Variants in ERICH3 observed in about 807,000 individuals in gnomAD.
The protein encoded by ERICH3 is glutamate rich 3, also known as glutamate-rich protein 3.
A neutral mutation model predicts 131.1 loss-of-function variants in ERICH3; 126 were observed. The ratio of observed to expected loss-of-function variants is 0.96; its 90% CI spans 0.83 to 1.11. The LOEUF (loss-of-function observed/expected upper bound fraction) is 1.11, where lower values mean the gene tolerates loss of function less well. Among genes scored for constraint, ERICH3 ranks in the 50% most tolerant of loss-of-function variants. The probability of loss-of-function intolerance (pLI) is 0.00; values close to 1 mark genes in which losing one functional copy is unlikely to be tolerated. For missense variants in ERICH3, 2,050 were observed against 1,810.7 expected (o/e 1.13, Z -2.40); for synonymous variants, 695 against 644.6 (o/e 1.08, Z -1.18).
rs544524823 is a variant in ERICH3, at chr1:74,596,429, G to A, written c.1726+3266C>T. The stretch of plus-strand genomic sequence containing the variant: ...TACACATAGTATAATGATCAAATTG[G>A]GGTAATTACATATGCATCACTTTAA... On this transcript the variant is annotated intron_variant, in intron 11 of 14. Coordinates refer to ENST00000326665, the MANE Select transcript of ERICH3 (RefSeq NM_001002912.5). Among the ~76,000 whole-genome samples, 4 of 151,974 alleles carry A rather than the reference G, an allele frequency of 2.6e-5. No homozygotes were observed. In the East Asian group the frequency reaches 7.8e-4, roughly 29 times the overall value.
At position 74,598,504 on chromosome 1, in the gene ERICH3, A is replaced by C. The variant is rs143324949; in HGVS notation, c.1726+1191T>G. On this transcript the variant is annotated intron_variant, in intron 11 of 14. Coordinates refer to ENST00000326665, the MANE Select transcript of ERICH3 (RefSeq NM_001002912.5). ...AAAAGTTCTGAATGACCAAATATTA[A>C]TGAAGTAAAAAAAAATTGAATGAAA... 2.9e-3 allele frequency among the ~76,000 whole-genome samples: 440 copies of C among 152,036 alleles called. 3 individuals are homozygous for C. Among genetic ancestry groups the C allele is most frequent in the African/African-American group, 0.01 (429 of 41,568 alleles).
At chr1:74,596,919 T>C (rs1647878898) in intron 11 of ERICH3, among the ~76,000 whole-genome samples, 2 of 152,188 alleles carry the variant, frequency 1.3e-5, no homozygotes, top group African/African-American at 4.8e-5. Context: ...AATTGTTAGC[T>C]GGCAGTTCAA....
intron 10 of ERICH3, among the ~76,000 whole-genome samples, chr1:74,601,943 T>A (rs755043935): frequency 4.0e-5 from 6 of 151,824 alleles, no homozygotes; most frequent in Admixed American, 1.3e-4. Context: ...CACAGTGCCA[T>A]GAATATCAGG....
At position 74,606,866 on chromosome 1, in the gene ERICH3, A is replaced by G. The variant is rs1648421666; in HGVS notation, c.1224T>C (p.Ser408=). The change falls in exon 10 of 15, where the codon TCT becomes TCC. Residue 408 remains serine, a synonymous_variant. Transcript: ENST00000326665. ...IIAMGLDKKP[S]LPKSRKEKST... is the part of the protein sequence containing the mutation. ...TCTTTTCTTTCCTAGATTTCGGCAAAGACGGTTTTTTGTCAAGGCCCATTG... is the reference window on the plus strand; with the variant it reads ...TCTTTTCTTTCCTAGATTTCGGCAAGGACGGTTTTTTGTCAAGGCCCATTG... The G allele has an allele frequency of 1.2e-5, 20 of 1,611,916 alleles. No homozygotes were observed. The highest frequency in any genetic ancestry group is 1.4e-5 in the Non-Finnish European group (16 of 1,179,100).
intron 1 of ERICH3, among the ~76,000 whole-genome samples, chr1:74,652,352 T>C (rs866027867): frequency 6.6e-6 from 1 of 152,136 alleles, no homozygotes; most frequent in Non-Finnish European, 1.5e-5. Flanking sequence ...CAGTGTCAGC[T>C]ACACTGTGGT....
intron 1 of ERICH3, among the ~76,000 whole-genome samples, chr1:74,663,554 T>C (rs920319892): frequency 2.7e-5 from 4 of 150,928 alleles, no homozygotes; most frequent in Non-Finnish European, 5.9e-5. Context: ...GCTGCAGTTA[T>C]GGTCCATGAG....
chr1:74,641,502 A>T (rs1344889659), intron 4 of ERICH3, 43 bp from the exon 5 acceptor site: 1 of 1,590,686 alleles, frequency 6.3e-7, no homozygotes, highest in Non-Finnish European at 8.6e-7. Flanking sequence ...CATAGTTAGT[A>T]ATCTAGGTTA....
chr1:74,620,666 ATATCAACAGCAGCT>A, intron 8 of ERICH3, 54 bp downstream of exon 8: 1 of 1,318,358 alleles, frequency 7.6e-7, no homozygotes, highest in Non-Finnish European at 1.0e-6. Context: ...TTTTGATATT[ATATCAACAGCAGCT>A]TATCTATAAC....
At chr1:74,575,110 G>A (rs1346048584) in intron 13 of ERICH3, among the ~76,000 whole-genome samples, 2 of 152,038 alleles carry the variant, frequency 1.3e-5, no homozygotes, top group African/African-American at 4.8e-5. Context: ...CCAGAAGCCT[G>A]AAGTCCTGAT....
intron 11 of ERICH3, among the ~76,000 whole-genome samples, chr1:74,591,770 G>A (rs1647617328): frequency 6.6e-6 from 1 of 152,264 alleles, no homozygotes; most frequent in African/African-American, 2.4e-5. Context: ...CTACAGGCCA[G>A]AGAAATACAA....
In ERICH3 at chr1:74,646,808, A is replaced by G; in HGVS notation, c.118-16T>C. 2 of 1,362,678 alleles carry G rather than the reference A, an allele frequency of 1.5e-6. No homozygotes were observed. The highest frequency in any genetic ancestry group is 2.0e-6 in the Non-Finnish European group (2 of 1,002,662). The allele number at this position is 1,362,678 out of a possible 1,614,324, so 84.4% of individuals were successfully genotyped here. The stretch of plus-strand genomic sequence containing the variant: ...TTCTTGTGATCTGTCATGAATAAAT[A>G]AAATATACATAGAAATATAAAATAG... On this transcript the variant is annotated splice_polypyrimidine_tract_variant and intron_variant, in intron 2 of 14. Transcript: ENST00000326665.
At position 74,572,505 on chromosome 1, in the gene ERICH3, A is replaced by T; in HGVS notation, c.3205T>A (p.Ser1069Thr). Residue 1069 changes from serine to threonine, a missense_variant, in exon 14 of 15, where the codon TCT becomes ACT. Coordinates refer to ENST00000326665, the MANE Select transcript of ERICH3 (RefSeq NM_001002912.5). The stretch of plus-strand genomic sequence containing the variant: ...CTCTCAGAGTCAGTTTTCCTCAGAG[A>T]TGTTTTTGGCCTCTCAGCTTTCCTT... ...ERRKAERPKT[S>T]LRKTDSEREE... 6.2e-7 allele frequency: 1 copy of T among 1,614,010 alleles called. No homozygotes were observed. Among genetic ancestry groups the T allele is most frequent in the Non-Finnish European group, 8.5e-7 (1 of 1,180,006 alleles).
rs1427800006 is a variant in ERICH3 at position 74,573,006 on chromosome 1, C to A, written c.2704G>T (p.Ala902Ser). The A allele has an allele frequency of 1.9e-6, 3 of 1,614,158 alleles. No homozygotes were observed. In the African/African-American group the frequency reaches 4.0e-5, roughly 22 times the overall value. Residue 902 changes from alanine (A) to serine (S), a missense_variant, in exon 14 of 15, where the codon GCA becomes TCA. Ala to Ser is a moderately conservative substitution (Grantham distance 99, BLOSUM62 1). Transcript: ENST00000326665. ...GCTGCTGCTTCATTTGCAAGCACTG[C>A]CTTCTCTAAACCCTGTTCCCCTTCA... Reference protein sequence around the residue: ...ASEGEQGLEKAVLANEAAALN... With the variant: ...ASEGEQGLEKSVLANEAAALN...
At chr1:74,641,532 G>A (rs539449909) in intron 4 of ERICH3, 73 bp from the exon 5 acceptor site, 58 of 1,458,420 alleles carry the variant, frequency 4.0e-5, no homozygotes, top group Admixed American at 6.2e-5. Context: ...TGACATGTGC[G>A]AAATACTATA....
chr1:74,634,718 C>A, intron 6 of ERICH3: 1 of 705,906 alleles, frequency 1.4e-6, no homozygotes, highest in Admixed American at 2.1e-5. Context: ...AGAGGAAATC[C>A]TACTCATTGG....
At chr1:74,587,667 C>A (rs971575195) in intron 12 of ERICH3, among the ~76,000 whole-genome samples, 3 of 152,092 alleles carry the variant, frequency 2.0e-5, no homozygotes, top group African/African-American at 7.2e-5. Flanking sequence ...ATCTGGTTCT[C>A]TGAAGTGAAA....
intron 1 of ERICH3, among the ~76,000 whole-genome samples, chr1:74,662,889 G>A (rs1326149423): frequency 2.0e-5 from 3 of 152,116 alleles, no homozygotes; most frequent in Non-Finnish European, 2.9e-5. Context: ...GGTGGCTCAC[G>A]CCTGTAATCC....
chr1:74,669,938 T>C lies in ERICH3; in HGVS notation c.23+3559A>G, dbSNP rs184858283. Among the ~76,000 whole-genome samples the C allele has an allele frequency of 3.7e-4, 57 of 152,304 alleles. 2 individuals carry two copies. Among genetic ancestry groups the C allele is most frequent in the Admixed American group, 3.7e-3 (57 of 15,286 alleles). ...CATTTTACCCTTAAAATGTAACAAG[T>C]ACAAACTGCTTCAGTAATGATAGAA... On this transcript the variant is annotated intron_variant, in intron 1 of 14. Transcript: ENST00000326665.
intron 1 of ERICH3, 51 bp downstream of exon 1, chr1:74,673,446 G>A (rs1646760065): frequency 1.9e-6 from 3 of 1,605,758 alleles, no homozygotes; most frequent in Non-Finnish European, 2.6e-6. Context: ...AGGGGCAGCT[G>A]GCTGAAGCCG....
Sources: gnomAD v4.1 joint callset for allele counts (sites outside exome capture counted in the v4.1 genomes callset) on GRCh38, gnomAD v4.1.1 for gene constraint, MANE v1.5 for transcripts, NCBI Gene and HGNC (gene_info 2026-07-23, HGNC 2026-07-21) for gene names.